Variants in EPB41L1 observed in about 807,000 individuals in gnomAD.
EPB41L1 encodes the protein erythrocyte membrane protein band 4.1 like 1, also known as band 4.1-like protein 1.
A neutral mutation model predicts 97.8 loss-of-function variants in EPB41L1; 29 were observed. The ratio of observed to expected loss-of-function variants is 0.30; its 90% CI spans 0.22 to 0.40. EPB41L1 has a LOEUF of 0.40. EPB41L1 is among the 10% of genes least tolerant of loss of function. The pLI, the probability that EPB41L1 is intolerant of heterozygous loss-of-function variation, is 1.00. For synonymous variants in EPB41L1, 383 were observed against 459.2 expected (o/e 0.83, Z 2.12); for missense variants, 812 against 1,162.3 (o/e 0.70, Z 4.38).
chr20:36,103,704 C>CTTTTTTTTTTTT (rs398038437), intron 1 of EPB41L1, among the ~76,000 whole-genome samples: 1 of 135,760 alleles, frequency 7.4e-6, no homozygotes, highest in Non-Finnish European at 1.6e-5. Flanking sequence ...CTTTTTCTTT[C>CTTTTTTTTTTTT]TTTTTTTTTT....
chr20:36,136,966 C>T (rs767298844), intron 2 of EPB41L1, among the ~76,000 whole-genome samples: 2 of 152,132 alleles, frequency 1.3e-5, no homozygotes, highest in Non-Finnish European at 2.9e-5. Flanking sequence ...GCAGCCCCAA[C>T]CTCCCAGGCT....
intron 2 of EPB41L1, among the ~76,000 whole-genome samples, chr20:36,128,170 T>G (rs2147732320): frequency 6.6e-6 from 1 of 152,244 alleles, no homozygotes; most frequent in African/African-American, 2.4e-5. Context: ...GTGGCTCAGT[T>G]GCAGTCTCCC....
intron 11 of EPB41L1, among the ~76,000 whole-genome samples, chr20:36,193,494 C>T (rs561792042): frequency 6.6e-6 from 1 of 152,312 alleles, no homozygotes; most frequent in Non-Finnish European, 1.5e-5. Flanking sequence ...AGCCTATTTT[C>T]TACCAAGACA....
At chr20:36,136,616 C>T (rs56042930) in intron 2 of EPB41L1, among the ~76,000 whole-genome samples, 170 of 150,584 alleles carry the variant, frequency 1.1e-3, no homozygotes, top group African/African-American at 3.8e-3. Context: ...GATGGTGTCT[C>T]GCTCTGTTGC....
intron 2 of EPB41L1, among the ~76,000 whole-genome samples, chr20:36,116,787 C>T (rs948363891): frequency 2.6e-5 from 4 of 152,170 alleles, no homozygotes; most frequent in African/African-American, 9.7e-5. Flanking sequence ...TTGGATAATG[C>T]CCCCAGAGGC....
At chr20:36,140,479 A>G (rs955044514) in intron 2 of EPB41L1, among the ~76,000 whole-genome samples, 4 of 152,110 alleles carry the variant, frequency 2.6e-5, no homozygotes, top group Non-Finnish European at 4.4e-5. Flanking sequence ...GCTGAGTCTC[A>G]GTTTTCTCAT....
intron 1 of EPB41L1, among the ~76,000 whole-genome samples, chr20:36,160,349 TGA>T (rs2060478229): frequency 6.6e-6 from 1 of 152,200 alleles, no homozygotes; most frequent in Non-Finnish European, 1.5e-5. Flanking sequence ...TCTGGGAGGC[TGA>T]GGCGGGTAGA....
At chr20:36,109,257 C>T (rs2058309743) in intron 1 of EPB41L1, among the ~76,000 whole-genome samples, 1 of 152,214 alleles carries the variant, frequency 6.6e-6, no homozygotes, top group South Asian at 2.1e-4. Context: ...GAGTTCAGGG[C>T]TTCTGATGGC....
intron 20 of EPB41L1, 143 bp from the exon 21 acceptor site, chr20:36,222,135 T>C: frequency 1.0e-6 from 1 of 964,456 alleles, no homozygotes; most frequent in East Asian, 2.4e-5. Flanking sequence ...ACCTGAGCTC[T>C]AGTCTCTCCC....
chr20:36,232,713 A>T lies in EPB41L1; in HGVS notation c.*3373A>T, dbSNP rs978099373. ...TCCTTTCTCGTCCCCATGCTCCCCC[A>T]CCTCAGTGCTCCGTGCTGTATGCGT... On this transcript the variant is annotated 3_prime_UTR_variant, in exon 22 of 22. Coordinates refer to ENST00000338074, the MANE Select transcript of EPB41L1 (RefSeq NM_012156.2). 2 of 397,274 alleles carry T rather than the reference A, an allele frequency of 5.0e-6. No individual in the cohort carries two copies. Among genetic ancestry groups the T allele is most frequent in the Middle Eastern group, 6.3e-4 (1 of 1,582 alleles). The allele number at this position is 397,274 out of a possible 1,614,324, so 24.6% of individuals were successfully genotyped here.
intron 21 of EPB41L1, among the ~76,000 whole-genome samples, chr20:36,226,772 A>G (rs1318492878): frequency 2.0e-5 from 3 of 152,184 alleles, no homozygotes; most frequent in Non-Finnish European, 4.4e-5. Context: ...ATAAATCATA[A>G]CACTGTATTG....
At chr20:36,099,635 C>T (rs1306535234) in intron 1 of EPB41L1, among the ~76,000 whole-genome samples, 2 of 152,140 alleles carry the variant, frequency 1.3e-5, no homozygotes, top group Non-Finnish European at 2.9e-5. Flanking sequence ...CATGAAGTGT[C>T]GCCTCTGTCT....
rs988643742 is a variant in EPB41L1, at chr20:36,162,043, C to T, written c.-15+7147C>T. 2.6e-5 allele frequency among the ~76,000 whole-genome samples: 4 copies of T among 152,334 alleles called. No homozygotes were observed. The South Asian group carries it at 6.2e-4, about 24-fold the overall frequency. On this transcript the variant is annotated intron_variant, in intron 1 of 21. Coordinates refer to ENST00000338074, the MANE Select transcript of EPB41L1 (RefSeq NM_012156.2). ...CCTTCCAAAGTGCTGAGATTACAGG[C>T]GTGAGCCACCACACCCTGCCTATCT...
intron 16 of EPB41L1, among the ~76,000 whole-genome samples, chr20:36,213,900 G>T (rs1383094497): frequency 2.6e-5 from 4 of 152,044 alleles, no homozygotes; most frequent in Admixed American, 2.6e-4. Flanking sequence ...CTCCTTGTTG[G>T]CATACATAGA....
At chr20:36,142,057 C>T (rs1371797020) in intron 2 of EPB41L1, among the ~76,000 whole-genome samples, 1 of 148,036 alleles carries the variant, frequency 6.8e-6, no homozygotes, top group Non-Finnish European at 1.5e-5. Context: ...TGCAGTGAGC[C>T]GAGATCATGC....
chr20:36,213,296 G>C (rs2063240859), intron 16 of EPB41L1, among the ~76,000 whole-genome samples: 1 of 152,132 alleles, frequency 6.6e-6, no homozygotes. Context: ...TGCTCGGGAG[G>C]CTGATGTAGG....
At chr20:36,172,633 C>G (rs1261125034) in intron 1 of EPB41L1, among the ~76,000 whole-genome samples, 1 of 152,126 alleles carries the variant, frequency 6.6e-6, no homozygotes, top group African/African-American at 2.4e-5. Flanking sequence ...AGGAGTCTCA[C>G]ACTGTTGCCC....
At chr20:36,123,972 G>T (rs2147697204) in intron 2 of EPB41L1, among the ~76,000 whole-genome samples, 1 of 152,240 alleles carries the variant, frequency 6.6e-6, no homozygotes, top group South Asian at 2.1e-4. Flanking sequence ...AATTTGGCTG[G>T]GTGCAGTGGC....
intron 1 of EPB41L1, among the ~76,000 whole-genome samples, chr20:36,095,929 G>C (rs987896724): frequency 3.9e-5 from 6 of 152,120 alleles, no homozygotes; most frequent in Non-Finnish European, 7.4e-5. Context: ...AGGAGGCTGA[G>C]GCAGGAGAAT....
Sources: gnomAD v4.1 joint callset for allele counts (sites outside exome capture counted in the v4.1 genomes callset) on GRCh38, gnomAD v4.1.1 for gene constraint, MANE v1.5 for transcripts, NCBI Gene and HGNC (gene_info 2026-07-23, HGNC 2026-07-21) for gene names.